GYPE: variants seen among roughly 807,000 people sequenced by gnomAD.
GYPE encodes glycophorin E (MNS blood group), also known as glycophorin-E.
A neutral mutation model predicts 11.6 loss-of-function variants in GYPE; 8 were observed. That is an observed-to-expected ratio of 0.69 (90% CI 0.41 to 1.25). The LOEUF is 1.25. GYPE is among the 50% of genes most tolerant of loss of function. The probability of loss-of-function intolerance (pLI) is 0.01; values close to 1 mark genes in which losing one functional copy is unlikely to be tolerated. For missense variants in GYPE, 90 were observed against 92.8 expected, an observed-to-expected ratio of 0.97 and a Z score of 0.12; for synonymous variants, 28 against 29.6, an observed-to-expected ratio of 0.94 and a Z score of 0.18.
chr4:143,872,801 G>T (rs1743661381), intron 3 of GYPE, among the ~76,000 whole-genome samples: 1 of 152,084 alleles, frequency 6.6e-6, no homozygotes, highest in African/African-American at 2.4e-5. Flanking sequence ...AAGTTCCTAA[G>T]AAAGAGCAAG....
chr4:143,871,855 T>C lies in GYPE; in HGVS notation c.*407A>G, dbSNP rs2149902063. ...CTGAGAAAGGCAGTGATTGAGCAGC[T>C]GAATTCCATCCATTTGGTGGGTAAG... On this transcript the variant is annotated 3_prime_UTR_variant, in exon 4 of 4. Transcript: ENST00000358615. 1 of 152,316 alleles carries C rather than the reference T, an allele frequency of 6.6e-6. No individual in the cohort carries two copies. The highest frequency in any genetic ancestry group is 2.1e-4 in the South Asian group (1 of 4,822). The allele number at this position is 152,316 out of a possible 1,614,324, so 9.4% of individuals were successfully genotyped here.
chr4:143,887,724 T>C (rs1406620924), intron 1 of GYPE, among the ~76,000 whole-genome samples: 1 of 150,422 alleles, frequency 6.6e-6, no homozygotes, highest in Non-Finnish European at 1.5e-5. Context: ...GATAAGAGTT[T>C]AATGATTAAG....
At chr4:143,896,600 G>A (rs1036775748) in intron 1 of GYPE, among the ~76,000 whole-genome samples, 37 of 151,238 alleles carry the variant, frequency 2.4e-4, no homozygotes, top group Admixed American at 7.9e-4. Flanking sequence ...TCAGTGTGGC[G>A]ATTCCTCAGG....
intron 1 of GYPE, among the ~76,000 whole-genome samples, chr4:143,882,615 A>G (rs915034039): frequency 6.6e-6 from 1 of 152,340 alleles, no homozygotes; most frequent in South Asian, 2.1e-4. Flanking sequence ...ACTTGAGATC[A>G]GCCTTTGGCT....
chr4:143,882,593 AT>A (rs1744083268), intron 1 of GYPE, among the ~76,000 whole-genome samples: 1 of 152,232 alleles, frequency 6.6e-6, no homozygotes, highest in Admixed American at 6.5e-5. Context: ...TTAAATGGGC[AT>A]GTAACAATAA....
chr4:143,880,362 A>G, intron 2 of GYPE, 49 bp downstream of exon 2: 1 of 1,613,270 alleles, frequency 6.2e-7, no homozygotes, highest in South Asian at 1.1e-5. Flanking sequence ...GGGTTGCATC[A>G]CAAAAACGAT....
In GYPE at chr4:143,871,419, A is replaced by G. The variant is rs1282532204; in HGVS notation, c.*843T>C. ...CTGAAACCAAGAGGCACTGATTACC[A>G]CCTCACTCTAAAGAGAATTACTGAG... On this transcript the variant is annotated 3_prime_UTR_variant, in exon 4 of 4. Transcript: ENST00000358615. 1 of 152,086 alleles carries G rather than the reference A, an allele frequency of 6.6e-6. No homozygotes were observed. Among genetic ancestry groups the G allele is most frequent in the African/African-American group, 2.4e-5 (1 of 41,400 alleles). 9.4% of individuals were successfully genotyped at this position (152,086 alleles called of 1,614,324 possible).
chr4:143,898,875 G>T (rs1744760167), intron 1 of GYPE, among the ~76,000 whole-genome samples: 1 of 151,518 alleles, frequency 6.6e-6, no homozygotes, highest in South Asian at 2.1e-4. Flanking sequence ...AACTTTTGTG[G>T]TCTTTTTCCT....
chr4:143,891,259 T>C (rs555884359), intron 1 of GYPE, among the ~76,000 whole-genome samples: 109 of 152,094 alleles, frequency 7.2e-4, no homozygotes, highest in Non-Finnish European at 1.3e-3. Context: ...AGTAATGATT[T>C]GTGGGCAGTA....
In GYPE at chr4:143,871,132, G is replaced by A. The variant is rs1578946914; in HGVS notation, c.*1130C>T. 6.6e-6 allele frequency: 1 copy of A among 151,250 alleles called. No homozygotes were observed. Among genetic ancestry groups the A allele is most frequent in the Admixed American group, 6.6e-5 (1 of 15,240 alleles). The allele number at this position is 151,250 out of a possible 1,614,324, so 9.4% of individuals were successfully genotyped here. The stretch of plus-strand genomic sequence containing the variant: ...TCCCACTGGGTTCCTCCCATGACAT[G>A]TGGGGATTATTGGAACTACAATTCA... On this transcript the variant is annotated 3_prime_UTR_variant, in exon 4 of 4. Transcript: ENST00000358615.
At chr4:143,877,727 G>T (rs1388228557) in intron 2 of GYPE, among the ~76,000 whole-genome samples, 2 of 151,556 alleles carry the variant, frequency 1.3e-5, no homozygotes, top group Non-Finnish European at 2.9e-5. Context: ...CGATAGTGAT[G>T]AAGTTCTATG....
rs186567151 is a variant in GYPE at position 143,884,922 on chromosome 4, G to C, written c.38-4413C>G. Among the ~76,000 whole-genome samples the C allele has an allele frequency of 2.1e-3, 301 of 146,490 alleles. 4 individuals are homozygous for C. Among genetic ancestry groups the C allele is most frequent in the African/African-American group, 6.5e-3 (257 of 39,282 alleles). The stretch of plus-strand genomic sequence containing the variant: ...CTTTATCTTTAAGGCAGTGGAAAGA[G>C]AATGAATGGTTTGAAGCAGTTTTTT... On this transcript the variant is annotated intron_variant, in intron 1 of 3. Coordinates refer to ENST00000358615, the MANE Select transcript of GYPE (RefSeq NM_198682.3).
chr4:143,893,863 G>T (rs542413985), intron 1 of GYPE, among the ~76,000 whole-genome samples: 15 of 152,158 alleles, frequency 9.9e-5, no homozygotes, highest in Admixed American at 9.2e-4. Context: ...GGCCTGCCTT[G>T]CTAGACTGGG....
chr4:143,875,078 G>A (rs1354298422), intron 3 of GYPE, among the ~76,000 whole-genome samples: 6 of 152,114 alleles, frequency 3.9e-5, no homozygotes, highest in Non-Finnish European at 7.4e-5. Flanking sequence ...TCAGCAGTCA[G>A]GCACCTTGGG....
intron 1 of GYPE, among the ~76,000 whole-genome samples, chr4:143,883,590 A>AATTT (rs367817673): frequency 6.9e-3 from 110 of 15,968 alleles, no homozygotes; most frequent in African/African-American, 0.022. Flanking sequence ...ATTATGAATT[A>AATTT]ATAATTAATA....
chr4:143,893,571 G>A (rs1560947749), intron 1 of GYPE, among the ~76,000 whole-genome samples: 2 of 151,990 alleles, frequency 1.3e-5, no homozygotes, highest in African/African-American at 2.4e-5. Flanking sequence ...CACTTATGAA[G>A]CTTAGTTTGG....
chr4:143,891,231 C>T (rs4835065), intron 1 of GYPE, among the ~76,000 whole-genome samples: 144,879 of 151,732 alleles, frequency 0.95, 69,536 homozygotes, highest in East Asian at 1. Context: ...CATAAATAAA[C>T]GAGTATGACT....
At chr4:143,884,076 C>A (rs1477394592) in intron 1 of GYPE, among the ~76,000 whole-genome samples, 2 of 151,590 alleles carry the variant, frequency 1.3e-5, no homozygotes, top group African/African-American at 4.9e-5. Flanking sequence ...GCTTGCCTCA[C>A]ATCTTCATTG....
At chr4:143,900,051 T>A (rs1744801957) in intron 1 of GYPE, among the ~76,000 whole-genome samples, 1 of 148,502 alleles carries the variant, frequency 6.7e-6, no homozygotes, top group Non-Finnish European at 1.5e-5. Context: ...GTATATCGGA[T>A]AAGACTCTTT....
Sources: allele counts gnomAD v4.1 joint callset (sites outside exome capture counted in the v4.1 genomes callset), GRCh38; gene constraint gnomAD v4.1.1; transcripts MANE v1.5; gene names NCBI Gene and HGNC (gene_info 2026-07-23, HGNC 2026-07-21).